The following BIN3 variants were observed in gnomAD, a reference collection of about 807,000 sequenced individuals.
The protein encoded by BIN3 is bridging integrator 3.
A neutral mutation model predicts 38.2 loss-of-function variants in BIN3; 41 were observed. The ratio of observed to expected loss-of-function variants is 1.07; its 90% confidence interval spans 0.84 to 1.39. The LOEUF is 1.39. BIN3 is among the 40% of genes most tolerant of loss of function. The pLI, the probability that BIN3 is intolerant of heterozygous loss-of-function variation, is 0.00. For missense variants in BIN3, 361 were observed against 324.3 expected (o/e 1.11, Z -0.87); for synonymous variants, 145 against 122.6 (o/e 1.18, Z -1.21).
At chr8:22,651,753 G>T (rs191130117) in intron 1 of BIN3, among the ~76,000 whole-genome samples, 2 of 151,892 alleles carry the variant, frequency 1.3e-5, no homozygotes, top group African/African-American at 4.8e-5. Flanking sequence ...TGTTTGTCAC[G>T]GTGTTGTATA....
chr8:22,640,559 C>A (rs968127374), intron 2 of BIN3, among the ~76,000 whole-genome samples: 1 of 152,202 alleles, frequency 6.6e-6, no homozygotes, highest in East Asian at 1.9e-4. Context: ...GTATTTATTT[C>A]CAGAAAGAGA....
intron 8 of BIN3, among the ~76,000 whole-genome samples, chr8:22,622,321 A>G (rs755868530): frequency 6.6e-5 from 10 of 152,204 alleles, no homozygotes; most frequent in Non-Finnish European, 1.5e-4. Flanking sequence ...TTCACTCTAG[A>G]CATGAGGAGG....
chr8:22,624,900 TTC>T (rs1480658374), intron 6 of BIN3: 1 of 219,540 alleles, frequency 4.6e-6, no homozygotes, highest in African/African-American at 2.2e-5. Context: ...GGTGTCCACA[TTC>T]TCTGTCTGGC....
intron 6 of BIN3, among the ~76,000 whole-genome samples, chr8:22,628,641 C>T (rs73671218): frequency 0.012 from 1,876 of 152,320 alleles, 29 homozygotes; most frequent in African/African-American, 0.041. Flanking sequence ...GGGCGCCTTG[C>T]TGATACTGAA....
intron 1 of BIN3, among the ~76,000 whole-genome samples, chr8:22,649,834 C>T (rs895968980): frequency 3.2e-5 from 4 of 124,392 alleles, no homozygotes; most frequent in Admixed American, 1.7e-4. Context: ...CACACACACA[C>T]ACACACACAC....
chr8:22,640,343 C>A (rs1323663759), intron 2 of BIN3, among the ~76,000 whole-genome samples: 1 of 148,808 alleles, frequency 6.7e-6, no homozygotes, highest in East Asian at 2.0e-4. Flanking sequence ...CCACACCCGG[C>A]TAATTTTTGA....
intron 4 of BIN3, among the ~76,000 whole-genome samples, chr8:22,632,162 G>A (rs1318811000): frequency 2.6e-5 from 4 of 152,202 alleles, no homozygotes; most frequent in Admixed American, 2.0e-4. Context: ...TGATTTCAGA[G>A]ACATTAACTG....
chr8:22,629,515 G>A (rs541329021), intron 6 of BIN3, among the ~76,000 whole-genome samples: 6 of 152,378 alleles, frequency 3.9e-5, no homozygotes, highest in African/African-American at 1.4e-4. Context: ...GCCCCTCCCT[G>A]TGTGCGGCCA....
chr8:22,655,959 T>G (rs1213377820), intron 1 of BIN3, among the ~76,000 whole-genome samples: 2 of 152,196 alleles, frequency 1.3e-5, no homozygotes, highest in African/African-American at 2.4e-5. Context: ...TTTAGATGTA[T>G]AAAAGTTCCT....
intron 1 of BIN3, among the ~76,000 whole-genome samples, chr8:22,654,578 T>G (rs73229849): frequency 2.6e-4 from 40 of 152,362 alleles, no homozygotes; most frequent in Non-Finnish European, 4.4e-4. Context: ...GAATTATATT[T>G]GTATGTGGCC....
intron 1 of BIN3, among the ~76,000 whole-genome samples, chr8:22,653,821 G>A (rs1229481915): frequency 1.3e-5 from 2 of 151,810 alleles, no homozygotes; most frequent in Admixed American, 6.6e-5. Flanking sequence ...GGACCCTGAG[G>A]CTGAAGCTTT....
At chr8:22,653,119 C>T (rs1260371751) in intron 1 of BIN3, among the ~76,000 whole-genome samples, 1 of 152,134 alleles carries the variant, frequency 6.6e-6, no homozygotes, top group Non-Finnish European at 1.5e-5. Flanking sequence ...CTTAAGTGTT[C>T]TTTGAATTAA....
At chr8:22,629,730 A>AG (rs2117514362) in intron 6 of BIN3, 1 of 562,860 alleles carries the variant, frequency 1.8e-6, no homozygotes, top group East Asian at 2.9e-5. Context: ...TGGGGTGGGA[A>AG]GGGGGTGGTG....
chr8:22,629,816 G>C, intron 6 of BIN3, 148 bp downstream of exon 6: 1 of 786,682 alleles, frequency 1.3e-6, no homozygotes, highest in Non-Finnish European at 2.1e-6. Context: ...TAGGCCACAG[G>C]TCACAGAGCT....
chr8:22,652,440 C>T (rs142262594), intron 1 of BIN3, among the ~76,000 whole-genome samples: 208 of 152,314 alleles, frequency 1.4e-3, no homozygotes, highest in African/African-American at 4.8e-3. Flanking sequence ...TTCTTCCAAC[C>T]TTCTGCCATT....
chr8:22,624,999 G>A (rs1254782805), intron 6 of BIN3: 2 of 334,804 alleles, frequency 6.0e-6, no homozygotes, highest in Admixed American at 4.1e-5. Context: ...TCTCCTTCAA[G>A]GGCTCCTTGG....
intron 1 of BIN3, among the ~76,000 whole-genome samples, chr8:22,662,065 G>C (rs1243785353): frequency 6.6e-6 from 1 of 152,222 alleles, no homozygotes; most frequent in Non-Finnish European, 1.5e-5. Flanking sequence ...AAAGCGCTGG[G>C]ATTACAGGCG....
At chr8:22,633,662 C>G (rs1802279354) in intron 4 of BIN3, among the ~76,000 whole-genome samples, 2 of 152,268 alleles carry the variant, frequency 1.3e-5, no homozygotes, top group African/African-American at 4.8e-5. Context: ...CTCCATTCCC[C>G]TCAACTGTCC....
At chr8:22,630,628 C>A (rs779827419) in intron 4 of BIN3, 50 bp from the exon 5 acceptor site, 1 of 1,605,390 alleles carries the variant, frequency 6.2e-7, no homozygotes, top group Admixed American at 1.7e-5. Flanking sequence ...GCAGGTTTCA[C>A]GGCCTTCTCT....
Sources: allele counts gnomAD v4.1 joint callset (sites outside exome capture counted in the v4.1 genomes callset), GRCh38; gene constraint gnomAD v4.1.1; transcripts MANE v1.5; gene names NCBI Gene and HGNC (gene_info 2026-07-23, HGNC 2026-07-21).